Variants in FILIP1L observed in about 807,000 individuals in gnomAD.
FILIP1L encodes the protein filamin A-interacting protein 1-like.
FILIP1L carries 55 observed loss-of-function variants against 96.6 expected under a neutral mutation model. The ratio of observed to expected loss-of-function variants is 0.57; its 90% CI spans 0.46 to 0.71. The LOEUF (loss-of-function observed/expected upper bound fraction) is 0.71, where lower values mean the gene tolerates loss of function less well. Ranked by LOEUF, FILIP1L falls within the 30% of genes least tolerant of loss-of-function variation. The pLI is 0.00. For missense variants in FILIP1L, 1,304 were observed against 1,321.2 expected, an observed-to-expected ratio of 0.99 and a Z score of 0.20; for synonymous variants, 467 against 473.9, an observed-to-expected ratio of 0.99 and a Z score of 0.19.
intron 1 of FILIP1L, among the ~76,000 whole-genome samples, chr3:99,932,119 GTTT>G (rs924678375): frequency 1.3e-5 from 2 of 152,080 alleles, no homozygotes; most frequent in Admixed American, 6.5e-5. Flanking sequence ...TTAGAAAACA[GTTT>G]TTAAGTACTG....
chr3:100,113,730 A>G (rs1559761835), intron 1 of FILIP1L, among the ~76,000 whole-genome samples: 1 of 152,162 alleles, frequency 6.6e-6, no homozygotes, highest in Non-Finnish European at 1.5e-5. Context: ...ATTTATCCAA[A>G]CATACTTTTT....
intron 4 of FILIP1L, among the ~76,000 whole-genome samples, chr3:99,867,842 G>C (rs1026437945): frequency 6.6e-6 from 1 of 152,144 alleles, no homozygotes; most frequent in African/African-American, 2.4e-5. Context: ...AATTCCATGG[G>C]ATTCAGATTT....
intron 1 of FILIP1L, chr3:100,039,747 G>A (rs977785930): frequency 3.3e-5 from 5 of 151,326 alleles, no homozygotes; most frequent in African/African-American, 1.2e-4. Flanking sequence ...CACAGTTAAC[G>A]ACTTTCTTCT....
chr3:99,848,019 A>G, intron 5 of FILIP1L: 1 of 1,139,630 alleles, frequency 8.8e-7, no homozygotes, highest in Non-Finnish European at 1.1e-6. Flanking sequence ...GGAAAATGAA[A>G]TACATAAAGA....
At chr3:99,859,672 G>T (rs573108295) in intron 4 of FILIP1L, among the ~76,000 whole-genome samples, 4 of 152,052 alleles carry the variant, frequency 2.6e-5, no homozygotes, top group Non-Finnish European at 5.9e-5. Flanking sequence ...ACTGTGTTGC[G>T]TTGATAGTAG....
intron 5 of FILIP1L, among the ~76,000 whole-genome samples, chr3:99,846,244 C>T (rs189733207): frequency 1.1e-3 from 166 of 152,302 alleles, no homozygotes; most frequent in African/African-American, 3.8e-3. Context: ...TATCTGTTTC[C>T]CCCAGTGCCA....
chr3:100,017,375 T>C (rs1043845414), intron 1 of FILIP1L, among the ~76,000 whole-genome samples: 2 of 152,210 alleles, frequency 1.3e-5, no homozygotes, highest in African/African-American at 4.8e-5. Context: ...TAATCACTCC[T>C]CTACCACAGT....
At chr3:100,091,940 C>T (rs1403465949) in intron 1 of FILIP1L, among the ~76,000 whole-genome samples, 1 of 152,156 alleles carries the variant, frequency 6.6e-6, no homozygotes, top group Non-Finnish European at 1.5e-5. Flanking sequence ...TCAGATTTCT[C>T]AGGTTAGAAT....
At chr3:99,984,180 G>A (rs1709263546) in intron 1 of FILIP1L, among the ~76,000 whole-genome samples, 2 of 152,172 alleles carry the variant, frequency 1.3e-5, no homozygotes, top group South Asian at 4.1e-4. Flanking sequence ...TTTTTAAAAA[G>A]TGAAATTGGA....
At chr3:99,891,541 T>C (rs538616579) in intron 4 of FILIP1L, among the ~76,000 whole-genome samples, 148 of 152,314 alleles carry the variant, frequency 9.7e-4, no homozygotes, top group African/African-American at 3.3e-3. Context: ...TATTTTATTT[T>C]GCTTTTTAAT....
At chr3:99,965,407 G>A (rs1448654237) in intron 1 of FILIP1L, among the ~76,000 whole-genome samples, 1 of 152,212 alleles carries the variant, frequency 6.6e-6, no homozygotes, top group Non-Finnish European at 1.5e-5. Context: ...TTCTGGCGTA[G>A]TGTACTCTGT....
chr3:99,873,278 T>C (rs1053876966), intron 4 of FILIP1L, among the ~76,000 whole-genome samples: 1 of 152,220 alleles, frequency 6.6e-6, no homozygotes, highest in African/African-American at 2.4e-5. Flanking sequence ...CATGGTCAAA[T>C]ACAAATTAAA....
chr3:100,102,254 C>G (rs1048775600), intron 1 of FILIP1L, among the ~76,000 whole-genome samples: 4 of 152,148 alleles, frequency 2.6e-5, no homozygotes, highest in Non-Finnish European at 4.4e-5. Context: ...AAAAGTGTTC[C>G]TATTTCTCCA....
chr3:100,106,619 T>A (rs2066399545), intron 1 of FILIP1L, among the ~76,000 whole-genome samples: 2 of 152,142 alleles, frequency 1.3e-5, no homozygotes, highest in South Asian at 4.1e-4. Flanking sequence ...CTAACTGTGT[T>A]TCCCTGGTAA....
At chr3:100,053,002 G>A (rs2065399528) in intron 1 of FILIP1L, among the ~76,000 whole-genome samples, 1 of 152,078 alleles carries the variant, frequency 6.6e-6, no homozygotes, top group Admixed American at 6.5e-5. Context: ...CTGTGGAGTT[G>A]TTCGCCTGCT....
intron 1 of FILIP1L, among the ~76,000 whole-genome samples, chr3:100,000,990 G>A (rs374612579): frequency 5.3e-5 from 8 of 152,270 alleles, no homozygotes; most frequent in South Asian, 4.1e-4. Context: ...CCTAGTTACT[G>A]GGTGATAGAT....
intron 4 of FILIP1L, among the ~76,000 whole-genome samples, chr3:99,919,919 A>G (rs1422081896): frequency 6.6e-6 from 1 of 152,218 alleles, no homozygotes; most frequent in Non-Finnish European, 1.5e-5. Context: ...CCTCTGCACC[A>G]CTGTTCTATC....
chr3:99,974,654 C>A (rs1708917305), intron 1 of FILIP1L, among the ~76,000 whole-genome samples: 1 of 152,028 alleles, frequency 6.6e-6, no homozygotes, highest in Non-Finnish European at 1.5e-5. Context: ...TTGTGATGAG[C>A]CAAGGTCATG....
At chr3:99,965,291 A>G (rs1036250474) in intron 1 of FILIP1L, among the ~76,000 whole-genome samples, 4 of 151,940 alleles carry the variant, frequency 2.6e-5, no homozygotes, top group African/African-American at 9.7e-5. Flanking sequence ...TATATGTGGG[A>G]GTTTTATAAT....
Sources: allele counts gnomAD v4.1 joint callset (sites outside exome capture counted in the v4.1 genomes callset), GRCh38; gene constraint gnomAD v4.1.1; transcripts MANE v1.5; gene names NCBI Gene and HGNC (gene_info 2026-07-23, HGNC 2026-07-21).